The following THSD4 variants were observed in gnomAD, a reference collection of about 807,000 sequenced individuals.
THSD4 encodes thrombospondin type 1 domain containing 4.
THSD4 carries 69 observed loss-of-function variants against 119.0 expected under a neutral mutation model. That is an observed-to-expected ratio of 0.58 (90% CI 0.48 to 0.71). The LOEUF (loss-of-function observed/expected upper bound fraction) is 0.71, where lower values mean the gene tolerates loss of function less well. Among genes scored for constraint, THSD4 ranks in the 30% least tolerant of loss-of-function variants. The pLI is 0.00. For synonymous variants in THSD4, 524 were observed against 540.4 expected, an observed-to-expected ratio of 0.97 and a Z score of 0.42; for missense variants, 1,393 against 1,391.1, an observed-to-expected ratio of 1.00 and a Z score of -0.02.
intron 7 of THSD4, among the ~76,000 whole-genome samples, chr15:71,646,554 A>C (rs867882309): frequency 1.3e-5 from 2 of 152,202 alleles, no homozygotes; most frequent in African/African-American, 4.8e-5. Context: ...TTTGCCCTCT[A>C]TGTTATCTTT....
At chr15:71,299,976 A>ATATATAT (rs1555462048) in intron 6 of THSD4, among the ~76,000 whole-genome samples, 28 of 48,300 alleles carry the variant, frequency 5.8e-4, no homozygotes, top group East Asian at 9.9e-4. Context: ...AAAAAAAAAA[A>ATATATAT]ATATATATAT....
chr15:71,377,904 A>ACCCC (rs57331073), intron 6 of THSD4, among the ~76,000 whole-genome samples: 32 of 79,992 alleles, frequency 4.0e-4, no homozygotes, highest in South Asian at 7.4e-4. Context: ...ACACACACAC[A>ACCCC]CACACACACA....
intron 16 of THSD4, among the ~76,000 whole-genome samples, chr15:71,769,851 T>C (rs2053785704): frequency 1.9e-5 from 1 of 51,538 alleles, no homozygotes; most frequent in Non-Finnish European, 3.5e-5. Context: ...TGACCTTCCC[T>C]CCACTATTGT....
At chr15:71,302,469 A>G (rs780892869) in intron 6 of THSD4, among the ~76,000 whole-genome samples, 8 of 152,064 alleles carry the variant, frequency 5.3e-5, no homozygotes, top group Non-Finnish European at 1.0e-4. Context: ...TGCTGCTCAG[A>G]GCCGGCCCCA....
chr15:71,243,471 G>A (rs2044172393), intron 5 of THSD4, among the ~76,000 whole-genome samples: 1 of 152,106 alleles, frequency 6.6e-6, no homozygotes, highest in African/African-American at 2.4e-5. Flanking sequence ...TGCTATTCCA[G>A]GTGTAAACAC....
At chr15:71,476,045 G>A (rs112917869) in intron 7 of THSD4, among the ~76,000 whole-genome samples, 9,818 of 152,198 alleles carry the variant, frequency 0.065, 547 homozygotes, top group Admixed American at 0.18. Context: ...ATCTTCTCGA[G>A]CCTCACCTTC....
intron 8 of THSD4, among the ~76,000 whole-genome samples, chr15:71,703,480 T>A (rs1567109621): frequency 6.6e-6 from 1 of 152,232 alleles, no homozygotes; most frequent in Non-Finnish European, 1.5e-5. Flanking sequence ...TTTCACTCAA[T>A]CATTCCTGGT....
chr15:71,706,723 CTACCA>C (rs1312290747), intron 8 of THSD4, among the ~76,000 whole-genome samples: 1 of 152,132 alleles, frequency 6.6e-6, no homozygotes, highest in Admixed American at 6.5e-5. Flanking sequence ...GGTTAACATG[CTACCA>C]ACGTGACATC....
chr15:71,238,866 C>T (rs1317413589), intron 4 of THSD4, among the ~76,000 whole-genome samples: 4 of 152,138 alleles, frequency 2.6e-5, no homozygotes, highest in Non-Finnish European at 4.4e-5. Flanking sequence ...TGAGGAGCTC[C>T]GAGATAGTTT....
intron 7 of THSD4, among the ~76,000 whole-genome samples, chr15:71,596,477 C>G (rs1191447887): frequency 6.6e-6 from 1 of 152,182 alleles, no homozygotes; most frequent in Non-Finnish European, 1.5e-5. Flanking sequence ...AAGCTTATTG[C>G]TAAGAGTTTT....
intron 8 of THSD4, among the ~76,000 whole-genome samples, chr15:71,692,689 T>G (rs1206175017): frequency 1.3e-5 from 2 of 152,082 alleles, no homozygotes; most frequent in Admixed American, 1.3e-4. Context: ...CTGAGGGTAC[T>G]TAAAGGGAAG....
At chr15:71,602,816 A>G (rs1412749586) in intron 7 of THSD4, among the ~76,000 whole-genome samples, 1 of 152,130 alleles carries the variant, frequency 6.6e-6, no homozygotes. Context: ...TGACTGTTGT[A>G]CCACTTTGTG....
At chr15:71,277,684 A>G (rs1200363932) in intron 6 of THSD4, among the ~76,000 whole-genome samples, 3 of 152,218 alleles carry the variant, frequency 2.0e-5, no homozygotes, top group African/African-American at 7.2e-5. Flanking sequence ...TCTCATTCAC[A>G]GCCATTTCTG....
chr15:71,128,371 A>G (rs2040472865), intron 1 of THSD4, among the ~76,000 whole-genome samples: 1 of 152,120 alleles, frequency 6.6e-6, no homozygotes, highest in Non-Finnish European at 1.5e-5. Flanking sequence ...TACTAAAAAT[A>G]GAAAAATCAG....
chr15:71,613,923 T>G (rs2050275985), intron 7 of THSD4, among the ~76,000 whole-genome samples: 1 of 152,320 alleles, frequency 6.6e-6, no homozygotes, highest in African/African-American at 2.4e-5. Flanking sequence ...GTTTGCTGCA[T>G]GTAGACTAGA....
intron 7 of THSD4, among the ~76,000 whole-genome samples, chr15:71,477,717 T>C (rs1566999032): frequency 6.6e-6 from 1 of 152,152 alleles, no homozygotes; most frequent in East Asian, 1.9e-4. Context: ...TCACCACCAG[T>C]GCAGCCCAGA....
At chr15:71,299,786 A>G (rs938201128) in intron 6 of THSD4, among the ~76,000 whole-genome samples, 3 of 152,022 alleles carry the variant, frequency 2.0e-5, no homozygotes, top group Non-Finnish European at 4.4e-5. Context: ...GTGCCATAAC[A>G]CATATTGTAC....
chr15:71,658,730 A>G (rs1205836522), intron 7 of THSD4, among the ~76,000 whole-genome samples: 1 of 152,198 alleles, frequency 6.6e-6, no homozygotes, highest in Non-Finnish European at 1.5e-5. Context: ...GAGGGAGGAG[A>G]AATACATAGC....
At chr15:71,570,834 C>T (rs946407031) in intron 7 of THSD4, among the ~76,000 whole-genome samples, 1 of 152,180 alleles carries the variant, frequency 6.6e-6, no homozygotes, top group Non-Finnish European at 1.5e-5. Flanking sequence ...TGGGAAGATT[C>T]ATTCCAGCTG....
Sources: allele counts gnomAD v4.1 joint callset (sites outside exome capture counted in the v4.1 genomes callset), GRCh38; gene constraint gnomAD v4.1.1; transcripts MANE v1.5; gene names NCBI Gene and HGNC (gene_info 2026-07-23, HGNC 2026-07-21).